Variants in LRRC37B observed in about 807,000 individuals in gnomAD.
LRRC37B encodes leucine rich repeat containing 37B.
A neutral mutation model predicts 98.3 loss-of-function variants in LRRC37B; 28 were observed. The observed-to-expected ratio is 0.28, with a 90% CI of 0.21 to 0.39. The LOEUF is 0.39. Among genes scored for constraint, LRRC37B ranks in the 10% least tolerant of loss-of-function variants. LRRC37B has a pLI of 1.00. For synonymous variants in LRRC37B, 364 were observed against 442.7 expected (o/e 0.82, Z 2.23); for missense variants, 938 against 1,182.7 (o/e 0.79, Z 3.03).
At chr17:32,035,030 A>G (rs760224423) in intron 6 of LRRC37B, 49 bp downstream of exon 9, 12 of 1,272,102 alleles carry the variant, frequency 9.4e-6, no homozygotes, top group Non-Finnish European at 1.2e-5. Context: ...TATGCTTTTT[A>G]AATTTGTCAT....
chr17:32,021,251 C>T (rs1159950789), exon 1 of LRRC37B: 1 of 1,612,810 alleles, frequency 6.2e-7, no homozygotes. Context: ...AGGACCCGCT[C>T]CAGCTGACCT....
At chr17:32,021,243 G>T (rs1257311975) in exon 1 of LRRC37B, 2 of 1,612,552 alleles carry the variant, frequency 1.2e-6, no homozygotes, top group African/African-American at 2.7e-5. Context: ...GTGGGTCAAG[G>T]ACCCGCTCCA....
At chr17:32,038,058 T>C (rs1188338411) in intron 7 of LRRC37B, among the ~76,000 whole-genome samples, 1 of 150,054 alleles carries the variant, frequency 6.7e-6, no homozygotes, top group African/African-American at 2.5e-5. Context: ...TCCCAGGGGG[T>C]GGAGCTTGCA....
At chr17:32,047,389 G>A (rs1238864264) in intron 8 of LRRC37B, 60 of 308,462 alleles carry the variant, frequency 1.9e-4, no homozygotes, top group Admixed American at 2.6e-4. Flanking sequence ...CTGCATATGA[G>A]GCAGGACAGC....
At chr17:32,033,225 C>T (rs987391303) in intron 5 of LRRC37B, among the ~76,000 whole-genome samples, 11 of 151,740 alleles carry the variant, frequency 7.2e-5, no homozygotes, top group South Asian at 2.1e-4. Context: ...ATGATCCACC[C>T]GCCTGGCTTC....
intron 10 of LRRC37B, 21 bp from the exon 14 acceptor site, chr17:32,049,981 CT>C (rs752727279): frequency 1.2e-3 from 1,489 of 1,231,680 alleles, no homozygotes; most frequent in Middle Eastern, 1.4e-3. Context: ...TTTCTTTTTT[CT>C]TTTTTTTTTC....
chr17:32,023,975 A>G (rs1002991534), intron 1 of LRRC37B, among the ~76,000 whole-genome samples: 1 of 152,020 alleles, frequency 6.6e-6, no homozygotes. Flanking sequence ...GGATAAGCTA[A>G]AAGTTTACTT....
rs372458159 is a variant in LRRC37B, at chr17:32,044,005, T to C, written c.2205-1695T>C. On this transcript the variant is annotated intron_variant, in intron 7 of 11. Coordinates refer to ENST00000327564, the Ensembl canonical transcript of LRRC37B. ...AACTCATTTGAGGTAGGTACTATTA[T>C]AATGACAAGGCCAAGGAACAGAGAT... Among the ~76,000 whole-genome samples, 705 of 151,800 alleles carry C rather than the reference T, an allele frequency of 4.6e-3. 2 individuals are homozygous for C. The highest frequency in any genetic ancestry group is 7.6e-3 in the Non-Finnish European group (518 of 67,926).
intron 7 of LRRC37B, 155 bp from the exon 11 acceptor site, chr17:32,045,545 C>T: frequency 1.3e-6 from 1 of 742,294 alleles, no homozygotes; most frequent in East Asian, 2.5e-5. Context: ...CCTGTGTCCT[C>T]CTTCCCATTG....
Position 32,022,150 on chromosome 17 carries a change from A to G in LRRC37B, c.1085A>G (p.His362Arg), listed in dbSNP as rs146484667. The stretch of plus-strand genomic sequence containing the variant: ...CAACCTCCAGGTGAGGATCAAGCTC[A>G]TTATAATTTGCCCAAGTTTACAGTC... The change falls in exon 1 of 12, where the codon CAT becomes CGT. Residue 362 changes from histidine to arginine, a missense_variant. Physicochemically the swap from His to Arg is conservative, Grantham distance 29. Coordinates refer to ENST00000327564, the Ensembl canonical transcript of LRRC37B. 32 of 1,613,616 alleles carry G rather than the reference A, an allele frequency of 2.0e-5. No homozygotes were observed. The African/African-American group carries it at 3.1e-4, about 15-fold the overall frequency.
intron 11 of LRRC37B, chr17:32,051,286 C>T (rs1467550798): frequency 6.6e-6 from 1 of 152,222 alleles, no homozygotes; most frequent in Non-Finnish European, 1.5e-5. Context: ...TGGAGACCAT[C>T]CTGGCTAACA....
chr17:32,020,929 A>C, upstream of LRRC37B: 1 of 1,270,786 alleles, frequency 7.9e-7, no homozygotes, highest in Non-Finnish European at 1.0e-6. Context: ...AGGGGAGGGG[A>C]GGGGTGTTCC....
chr17:32,019,503 C>G (rs951432988), upstream of LRRC37B, among the ~76,000 whole-genome samples: 1 of 152,196 alleles, frequency 6.6e-6, no homozygotes, highest in Non-Finnish European at 1.5e-5. Flanking sequence ...CATATGAAAG[C>G]TCTTAAATAG....
At chr17:32,021,919 C>T (rs1347069823) in exon 1 of LRRC37B, 1 of 1,614,048 alleles carries the variant, frequency 6.2e-7, no homozygotes, top group East Asian at 2.2e-5. Context: ...GTTGGACTTT[C>T]TCAATTCCAT....
rs184500466 is a variant in LRRC37B, at chr17:32,014,332, G to T, written c.-190-3640G>T. 4.6e-5 allele frequency among the ~76,000 whole-genome samples: 7 copies of T among 152,226 alleles called. No individual in the cohort carries two copies. In the East Asian group the frequency reaches 1.4e-3, roughly 29 times the overall value. On this transcript the variant is annotated intron_variant, in intron 1 of 14. Transcript: ENST00000543378. ...GGTCCCCAGCTTTAAGCCTTTCAGC[G>T]ATTCAAGTAACTGCAGAACATCTTT...
upstream of LRRC37B, chr17:32,017,898 G>A (rs1910681147): frequency 6.2e-6 from 1 of 161,986 alleles, no homozygotes; most frequent in African/African-American, 2.4e-5. Context: ...TCTCATTGTG[G>A]GGTGCTACCA....
intron 11 of LRRC37B, chr17:32,051,940 T>C (rs1420120369): frequency 6.6e-6 from 1 of 152,026 alleles, no homozygotes; most frequent in Non-Finnish European, 1.5e-5. Context: ...GACATTTGTA[T>C]TGCCATTGTA....
At position 32,027,759 on chromosome 17, in the gene LRRC37B, CA is replaced by C; in HGVS notation, c.1833-9del. The C allele has an allele frequency of 6.3e-7, 1 of 1,597,652 alleles. No individual in the cohort carries two copies. Among genetic ancestry groups the C allele is most frequent in the Non-Finnish European group, 8.5e-7 (1 of 1,171,442 alleles). ...CATTTTAACCTAGAAATAACTTTTT[CA>C]TTTTCCAGAATTCTCAGTGAAAATT... On this transcript the variant is annotated splice_polypyrimidine_tract_variant and intron_variant, in intron 2 of 11. Transcript: ENST00000327564.
At position 32,041,044 on chromosome 17, in the gene LRRC37B, A is replaced by G. The variant is rs1411485263; in HGVS notation, c.2205-4656A>G. On this transcript the variant is annotated intron_variant, in intron 7 of 11. Coordinates refer to ENST00000327564, the Ensembl canonical transcript of LRRC37B. ...AGCATGCACAACCTCCTGGAGACCAACATTGAGCAGGTGAGTCAACTCCGG... is the reference window on the plus strand; with the variant it reads ...AGCATGCACAACCTCCTGGAGACCAGCATTGAGCAGGTGAGTCAACTCCGG... The G allele has an allele frequency of 3.9e-6, 3 of 772,388 alleles. No individual in the cohort carries two copies. In the South Asian group the frequency reaches 4.1e-5, roughly 11 times the overall value. 47.8% of individuals were successfully genotyped at this position (772,388 alleles called of 1,614,324 possible).
Sources: allele counts gnomAD v4.1 joint callset (sites outside exome capture counted in the v4.1 genomes callset), GRCh38; gene constraint gnomAD v4.1.1; transcripts MANE v1.5; gene names NCBI Gene and HGNC (gene_info 2026-07-23, HGNC 2026-07-21).